The following SGIP1 variants were observed in gnomAD, a reference collection of about 807,000 sequenced individuals.
SGIP1 encodes SH3-containing GRB2-like protein 3-interacting protein 1.
SGIP1 carries 38 observed loss-of-function variants against 107.5 expected under a neutral mutation model. That is an observed-to-expected ratio of 0.35 (90% CI 0.27 to 0.46). The LOEUF (loss-of-function observed/expected upper bound fraction) is 0.46. Ranked by LOEUF, SGIP1 falls within the 20% of genes least tolerant of loss-of-function variation. The probability of loss-of-function intolerance (pLI) is 1.00; values close to 1 mark genes in which losing one functional copy is unlikely to be tolerated. For missense variants in SGIP1, 929 were observed against 1,019.5 expected (o/e 0.91, Z 1.21); for synonymous variants, 365 against 366.1 (o/e 1.00, Z 0.03).
intron 3 of SGIP1, among the ~76,000 whole-genome samples, chr1:66,634,834 GT>G (rs1370891037): frequency 1.1e-4 from 16 of 152,150 alleles, no homozygotes; most frequent in Non-Finnish European, 2.2e-4. Flanking sequence ...TGTTCTCCAA[GT>G]TTTCCACGTT....
chr1:66,739,614 C>A, intron 22 of SGIP1, 77 bp downstream of exon 22: 1 of 1,443,722 alleles, frequency 6.9e-7, no homozygotes, highest in Non-Finnish European at 9.7e-7. Flanking sequence ...ACTTGCGTGT[C>A]CTGTAGGAGG....
chr1:66,581,012 A>G (rs1004112330), intron 1 of SGIP1, among the ~76,000 whole-genome samples: 5 of 152,134 alleles, frequency 3.3e-5, no homozygotes, highest in Admixed American at 6.6e-5. Context: ...CATCATATAT[A>G]CCAAAAGCTT....
At chr1:66,570,644 C>T (rs986019622) in intron 1 of SGIP1, among the ~76,000 whole-genome samples, 3 of 151,832 alleles carry the variant, frequency 2.0e-5, no homozygotes, top group African/African-American at 7.3e-5. Flanking sequence ...TTACTGAGTG[C>T]CTACTGTATA....
chr1:66,610,337 T>C (rs1450678850), intron 1 of SGIP1, among the ~76,000 whole-genome samples: 2 of 152,204 alleles, frequency 1.3e-5, no homozygotes, highest in East Asian at 1.9e-4. Flanking sequence ...ATACCTCTCA[T>C]ATTTAATGAA....
At chr1:66,582,470 CATTTTGATTAAG>C (rs1195015300) in intron 1 of SGIP1, among the ~76,000 whole-genome samples, 1 of 151,452 alleles carries the variant, frequency 6.6e-6, no homozygotes, top group Non-Finnish European at 1.5e-5. Context: ...TGAGGAAAGC[CATTTTGATTAAG>C]TTTTTGATTA....
chr1:66,578,648 T>A (rs548370934), intron 1 of SGIP1, among the ~76,000 whole-genome samples: 76 of 152,278 alleles, frequency 5.0e-4, no homozygotes, highest in Non-Finnish European at 9.9e-4. Context: ...CCCTTAATTG[T>A]ACAAATGGAC....
chr1:66,590,219 G>T (rs1476979619), intron 1 of SGIP1, among the ~76,000 whole-genome samples: 1 of 152,186 alleles, frequency 6.6e-6, no homozygotes, highest in Non-Finnish European at 1.5e-5. Context: ...AGTGGGACAA[G>T]CAAATGCATA....
At chr1:66,576,608 A>C (rs954656848) in intron 1 of SGIP1, among the ~76,000 whole-genome samples, 1 of 152,146 alleles carries the variant, frequency 6.6e-6, no homozygotes, top group Non-Finnish European at 1.5e-5. Context: ...ATATCTCAAG[A>C]TCTCCCAAAT....
chr1:66,578,297 A>G (rs1384172717), intron 1 of SGIP1, among the ~76,000 whole-genome samples: 2 of 152,164 alleles, frequency 1.3e-5, no homozygotes, highest in African/African-American at 2.4e-5. Flanking sequence ...AAAGCTTCCA[A>G]AGTGGGGCTA....
chr1:66,574,960 A>C (rs183175442), intron 1 of SGIP1, among the ~76,000 whole-genome samples: 1 of 152,318 alleles, frequency 6.6e-6, no homozygotes, highest in East Asian at 1.9e-4. Context: ...TTATTTTTAA[A>C]TGTTCTTCCA....
At chr1:66,695,283 C>A in intron 17 of SGIP1, 151 bp from the exon 18 acceptor site, 1 of 1,171,196 alleles carries the variant, frequency 8.5e-7, no homozygotes, top group Non-Finnish European at 1.1e-6. Flanking sequence ...TGTAGATTGC[C>A]AGCCTTCCCT....
At chr1:66,546,995 T>C (rs769264895) in intron 1 of SGIP1, among the ~76,000 whole-genome samples, 4 of 152,200 alleles carry the variant, frequency 2.6e-5, no homozygotes, top group Non-Finnish European at 4.4e-5. Flanking sequence ...AATATTGAAG[T>C]ATTAAAATAT....
At chr1:66,533,981 G>T (rs769742166), upstream of SGIP1, among the ~76,000 whole-genome samples, 1 of 151,770 alleles carries the variant, frequency 6.6e-6, no homozygotes, top group Non-Finnish European at 1.5e-5. Flanking sequence ...GGAGGCGATG[G>T]GGGTGGAGGG....
intron 18 of SGIP1, among the ~76,000 whole-genome samples, chr1:66,716,547 A>C (rs1272060339): frequency 6.6e-6 from 1 of 152,126 alleles, no homozygotes; most frequent in Non-Finnish European, 1.5e-5. Context: ...CTGTAAAATG[A>C]AGACAATACT....
chr1:66,636,298 A>C lies in SGIP1; in HGVS notation c.171+283A>C, dbSNP rs182790335. On this transcript the variant is annotated intron_variant, in intron 4 of 24. Coordinates refer to ENST00000371037, the MANE Select transcript of SGIP1 (RefSeq NM_032291.4). Reference sequence around the variant, plus strand: ...GGACAGGAATTCAAATTTTAAAAAGAATCTACTATCTATAAAGAAGCCTTT... The same window carrying C: ...GGACAGGAATTCAAATTTTAAAAAGCATCTACTATCTATAAAGAAGCCTTT... Among the ~76,000 whole-genome samples the C allele has an allele frequency of 3.3e-5, 5 of 152,354 alleles. No homozygotes were observed. In the East Asian group the frequency reaches 9.6e-4, roughly 29 times the overall value.
intron 1 of SGIP1, among the ~76,000 whole-genome samples, chr1:66,554,956 G>A (rs1465839190): frequency 6.6e-6 from 1 of 152,098 alleles, no homozygotes; most frequent in Non-Finnish European, 1.5e-5. Flanking sequence ...CTGGAGCCAG[G>A]TTAATGCTTA....
intron 17 of SGIP1, among the ~76,000 whole-genome samples, chr1:66,692,482 C>T (rs17129334): frequency 0.013 from 2,053 of 152,274 alleles, 46 homozygotes; most frequent in African/African-American, 0.047. Flanking sequence ...AGCTGACAGC[C>T]ACTTTTCTCC....
At chr1:66,627,564 G>A (rs955052601) in intron 2 of SGIP1, among the ~76,000 whole-genome samples, 10 of 152,054 alleles carry the variant, frequency 6.6e-5, no homozygotes, top group Non-Finnish European at 1.2e-4. Context: ...AGGATTGGGC[G>A]AACAAAGTTA....
chr1:66,646,875 A>G (rs1025902381), intron 7 of SGIP1, among the ~76,000 whole-genome samples: 7 of 152,194 alleles, frequency 4.6e-5, no homozygotes, highest in Non-Finnish European at 8.8e-5. Context: ...GACAAGGCAG[A>G]GCACCAAAAA....
Sources: allele counts gnomAD v4.1 joint callset (sites outside exome capture counted in the v4.1 genomes callset), GRCh38; gene constraint gnomAD v4.1.1; transcripts MANE v1.5; gene names NCBI Gene and HGNC (gene_info 2026-07-23, HGNC 2026-07-21).